Variants in SLC4A4 observed in about 807,000 individuals in gnomAD.
SLC4A4 encodes the protein electrogenic sodium bicarbonate cotransporter 1.
In SLC4A4, 27 loss-of-function variants were observed where a neutral mutation model predicts 111.5. The observed-to-expected ratio is 0.24, with a 90% CI of 0.18 to 0.33. The LOEUF is 0.33. SLC4A4 is among the 10% of genes least tolerant of loss of function. The pLI, the probability that SLC4A4 is intolerant of heterozygous loss-of-function variation, is 1.00. For missense variants in SLC4A4, 909 were observed against 1,315.5 expected (o/e 0.69, Z 4.78); for synonymous variants, 443 against 463.4 (o/e 0.96, Z 0.57).
rs187363598 is a variant in SLC4A4, at chr4:71,361,180, G to A, written c.730+3993G>A. Among the ~76,000 whole-genome samples, 5 of 152,246 alleles carry A rather than the reference G, an allele frequency of 3.3e-5. No homozygotes were observed. In the East Asian group the frequency reaches 9.7e-4, roughly 29 times the overall value. On this transcript the variant is annotated intron_variant, in intron 6 of 25. Transcript: ENST00000264485. ...ATCCTTTATAACAGTAAAAATCAAT[G>A]CATACACATACTCACGCACGCACAC...
chr4:71,103,110 G>A (rs1350106400), intron 2 of SLC4A4, among the ~76,000 whole-genome samples: 1 of 151,690 alleles, frequency 6.6e-6, no homozygotes, highest in Non-Finnish European at 1.5e-5. Flanking sequence ...AAAAAGGCAG[G>A]GGTTGCAATC....
chr4:71,187,284 TGGC>T lies in SLC4A4; in HGVS notation c.-109_-107del. The T allele has an allele frequency of 6.5e-6, 1 of 153,996 alleles. No individual in the cohort carries two copies. The highest frequency in any genetic ancestry group is 1.4e-5 in the Non-Finnish European group (1 of 69,940). The allele number at this position is 153,996 out of a possible 1,614,324, so 9.5% of individuals were successfully genotyped here. A position where few individuals can be genotyped will look rare whatever the true frequency, so the allele number is the denominator to read the frequency against. On this transcript the variant is annotated 5_prime_UTR_variant, in exon 1 of 26. Transcript: ENST00000264485. ...GGCGGCGCGCCGGGCAGCGCTTCGG[TGGC>T]GGCGGCGGCCGCGGTGGCAGCGAAG... is the stretch of plus-strand genomic sequence containing the variant.
chr4:71,219,213 G>A (rs1718600899), intron 1 of SLC4A4, among the ~76,000 whole-genome samples: 1 of 152,254 alleles, frequency 6.6e-6, no homozygotes, highest in Admixed American at 6.5e-5. Context: ...GCAATCGTTA[G>A]TTAAGTTGTG....
chr4:71,519,820 T>C (rs1466153112), intron 16 of SLC4A4, among the ~76,000 whole-genome samples: 1 of 152,032 alleles, frequency 6.6e-6, no homozygotes, highest in East Asian at 1.9e-4. Flanking sequence ...TTTTTTGTTG[T>C]TGTTTTTTTA....
chr4:71,192,623 T>C (rs1044537129), intron 1 of SLC4A4, among the ~76,000 whole-genome samples: 2 of 152,138 alleles, frequency 1.3e-5, no homozygotes, highest in African/African-American at 2.4e-5. Flanking sequence ...ATCACTTCAT[T>C]ACACCCCCTT....
At chr4:71,472,610 T>A in intron 13 of SLC4A4, 89 bp from the exon 14 acceptor site, 4 of 1,363,848 alleles carry the variant, frequency 2.9e-6, no homozygotes, top group Non-Finnish European at 4.1e-6. Context: ...TGTATTTTTG[T>A]CAATCTTTCT....
At chr4:71,418,679 C>G (rs1722041213) in intron 7 of SLC4A4, among the ~76,000 whole-genome samples, 1 of 152,174 alleles carries the variant, frequency 6.6e-6, no homozygotes, top group South Asian at 2.1e-4. Context: ...AAATATGTTT[C>G]TAGTAATTAT....
intron 3 of SLC4A4, among the ~76,000 whole-genome samples, chr4:71,278,895 T>C (rs553803891): frequency 6.6e-6 from 1 of 152,314 alleles, no homozygotes; most frequent in South Asian, 2.1e-4. Flanking sequence ...TTGAAAATAT[T>C]TTCTCCCATT....
At chr4:71,498,581 A>G (rs1438116806) in intron 16 of SLC4A4, among the ~76,000 whole-genome samples, 1 of 152,170 alleles carries the variant, frequency 6.6e-6, no homozygotes, top group Non-Finnish European at 1.5e-5. Context: ...CTTTTTCCAA[A>G]TTCTAGGAAA....
intron 2 of SLC4A4, among the ~76,000 whole-genome samples, chr4:71,179,879 A>G (rs1293013564): frequency 6.6e-6 from 1 of 152,208 alleles, no homozygotes; most frequent in Non-Finnish European, 1.5e-5. Context: ...CCAAAAAAAG[A>G]GCCCACATTG....
intron 6 of SLC4A4, among the ~76,000 whole-genome samples, chr4:71,387,504 A>T (rs770262313): frequency 2.6e-5 from 4 of 151,884 alleles, no homozygotes; most frequent in African/African-American, 9.7e-5. Flanking sequence ...TTATTTATTT[A>T]TTTTTTTGAA....
intron 2 of SLC4A4, among the ~76,000 whole-genome samples, chr4:71,154,039 A>T (rs1744393082): frequency 6.6e-6 from 1 of 152,144 alleles, no homozygotes; most frequent in South Asian, 2.1e-4. Context: ...ACATATGCGG[A>T]TTTGGAGTAG....
chr4:71,122,288 G>A (rs1743455018), intron 2 of SLC4A4, among the ~76,000 whole-genome samples: 1 of 141,338 alleles, frequency 7.1e-6, no homozygotes, highest in Non-Finnish European at 1.5e-5. Context: ...ACTCCAGCCT[G>A]GAAGACAAAA....
intron 2 of SLC4A4, among the ~76,000 whole-genome samples, chr4:71,177,634 C>T (rs1035597500): frequency 2.0e-5 from 3 of 152,272 alleles, no homozygotes; most frequent in Admixed American, 6.5e-5. Flanking sequence ...ACTAACTATC[C>T]TAAATATATA....
chr4:71,186,257 A>G (rs1218624985), upstream of SLC4A4, among the ~76,000 whole-genome samples: 2 of 152,220 alleles, frequency 1.3e-5, no homozygotes, highest in Non-Finnish European at 2.9e-5. Context: ...TCAGTGACAT[A>G]AGTGAAGGAC....
At chr4:71,108,555 T>C (rs1578487818) in intron 2 of SLC4A4, among the ~76,000 whole-genome samples, 3 of 152,362 alleles carry the variant, frequency 2.0e-5, no homozygotes, top group Admixed American at 2.0e-4. Context: ...TGCTCTCTCG[T>C]TGCTTTCAAG....
chr4:71,510,959 A>T (rs192877423), intron 16 of SLC4A4, among the ~76,000 whole-genome samples: 181 of 152,294 alleles, frequency 1.2e-3, no homozygotes, highest in African/African-American at 4.1e-3. Context: ...TAAGATGATA[A>T]CAACTTACCT....
At chr4:71,279,238 A>C (rs996432472) in intron 3 of SLC4A4, among the ~76,000 whole-genome samples, 1 of 151,754 alleles carries the variant, frequency 6.6e-6, no homozygotes, top group Admixed American at 6.6e-5. Context: ...CATTCTTCCC[A>C]CCCATCCCAC....
At position 71,547,565 on chromosome 4, in the gene SLC4A4, G is replaced by C. The variant is rs547097092; in HGVS notation, c.2622-83G>C. The C allele has an allele frequency of 2.8e-6, 3 of 1,080,508 alleles. No individual in the cohort carries two copies. The South Asian group carries it at 3.7e-5, about 13-fold the overall frequency. The allele number at this position is 1,080,508 out of a possible 1,614,324, so 66.9% of individuals were successfully genotyped here. Reference sequence around the variant, plus strand: ...TTAGCCAAACATTGATTTTGTCAATGTGTAGTTTTTTTGAAGGTGAAAAGA... The same window carrying C: ...TTAGCCAAACATTGATTTTGTCAATCTGTAGTTTTTTTGAAGGTGAAAAGA... On this transcript the variant is annotated intron_variant, in intron 19 of 25. Coordinates refer to ENST00000264485, the MANE Select transcript of SLC4A4 (RefSeq NM_001098484.3).
Sources: allele counts gnomAD v4.1 joint callset (sites outside exome capture counted in the v4.1 genomes callset), GRCh38; gene constraint gnomAD v4.1.1; transcripts MANE v1.5; gene names NCBI Gene and HGNC (gene_info 2026-07-23, HGNC 2026-07-21).